The following ADCY2 variants were observed in gnomAD, a reference collection of about 807,000 sequenced individuals.
The protein encoded by ADCY2 is adenylate cyclase 2, also known as adenylate cyclase type 2.
A neutral mutation model predicts 125.2 loss-of-function variants in ADCY2; 31 were observed. The ratio of observed to expected loss-of-function variants is 0.25; its 90% confidence interval spans 0.19 to 0.33. The LOEUF (loss-of-function observed/expected upper bound fraction) is 0.33, where lower values mean the gene tolerates loss of function less well. Among genes scored for constraint, ADCY2 ranks in the 10% least tolerant of loss-of-function variants. The probability of loss-of-function intolerance (pLI) is 1.00; values close to 1 mark genes in which losing one functional copy is unlikely to be tolerated. For synonymous variants in ADCY2, 512 were observed against 548.4 expected, an observed-to-expected ratio of 0.93 and a Z score of 0.93; for missense variants, 904 against 1,418.2, an observed-to-expected ratio of 0.64 and a Z score of 5.82.
chr5:7,419,857 A>C (rs1740124021), intron 2 of ADCY2, among the ~76,000 whole-genome samples: 1 of 152,214 alleles, frequency 6.6e-6, no homozygotes, highest in Admixed American at 6.5e-5. Flanking sequence ...ACCCAGTGCC[A>C]GACCCTGTTC....
At chr5:7,756,203 G>A (rs7703532) in intron 15 of ADCY2, among the ~76,000 whole-genome samples, 70,121 of 152,110 alleles carry the variant, frequency 0.46, 16,418 homozygotes, top group Admixed American at 0.59. Flanking sequence ...CCACAGTTCA[G>A]TGGAACTCTG....
chr5:7,437,525 C>T (rs1740851692), intron 2 of ADCY2, among the ~76,000 whole-genome samples: 1 of 152,226 alleles, frequency 6.6e-6, no homozygotes, highest in African/African-American at 2.4e-5. Context: ...TCAGTTTCCT[C>T]ATCTATAAAA....
intron 22 of ADCY2, among the ~76,000 whole-genome samples, chr5:7,805,357 C>T (rs1274552876): frequency 2.0e-5 from 3 of 152,064 alleles, no homozygotes; most frequent in Non-Finnish European, 4.4e-5. Flanking sequence ...GGTCAAAAAA[C>T]AAGTTGGCCA....
chr5:7,764,068 T>G (rs1432952681), intron 16 of ADCY2, among the ~76,000 whole-genome samples: 1 of 152,216 alleles, frequency 6.6e-6, no homozygotes, highest in Non-Finnish European at 1.5e-5. Context: ...TTAAATCTCA[T>G]TACTCATTGG....
At chr5:7,682,179 G>T (rs1405828877) in intron 4 of ADCY2, among the ~76,000 whole-genome samples, 1 of 152,224 alleles carries the variant, frequency 6.6e-6, no homozygotes, top group South Asian at 2.1e-4. Flanking sequence ...ATGGGAAGTG[G>T]TTGATAAATA....
At chr5:7,715,028 G>C (rs897518799) in intron 11 of ADCY2, among the ~76,000 whole-genome samples, 8 of 152,202 alleles carry the variant, frequency 5.3e-5, no homozygotes. Flanking sequence ...CACCAGGATG[G>C]GAAGATGAGA....
intron 2 of ADCY2, among the ~76,000 whole-genome samples, chr5:7,508,961 T>G (rs1743953270): frequency 6.6e-6 from 1 of 152,218 alleles, no homozygotes; most frequent in Non-Finnish European, 1.5e-5. Context: ...ATGGAGATGA[T>G]AGCCCACATT....
chr5:7,472,104 T>C (rs1308178081), intron 2 of ADCY2, among the ~76,000 whole-genome samples: 7 of 152,196 alleles, frequency 4.6e-5, no homozygotes, highest in Non-Finnish European at 8.8e-5. Flanking sequence ...TCATTATCTG[T>C]AGAAGAATTC....
At position 7,757,467 on chromosome 5, in the gene ADCY2, T is replaced by C. The variant is rs1467023947; in HGVS notation, c.1975T>C (p.Ser659Pro). The change falls in exon 16 of 25, where the codon TCT (serine) becomes CCT (proline). Residue 659 changes from serine to proline, a missense_variant. Ser to Pro is a moderately conservative substitution (Grantham distance 74, BLOSUM62 -1). Coordinates refer to ENST00000338316, the MANE Select transcript of ADCY2 (RefSeq NM_020546.3). The stretch of plus-strand genomic sequence containing the variant: ...CTCCTAGCAATGCAGCAAAAAAGCC[T>C]CTCCCCTGCTCATGTGGCTTTTGAA... ...GQLLQCSKKA[S>P]PLLMWLLKSS... 28 of 1,613,912 alleles carry C rather than the reference T, an allele frequency of 1.7e-5. No homozygotes were observed. The highest frequency in any genetic ancestry group is 2.4e-5 in the Non-Finnish European group (28 of 1,179,934).
chr5:7,757,220 T>C (rs1027275598), intron 15 of ADCY2, among the ~76,000 whole-genome samples: 1 of 152,172 alleles, frequency 6.6e-6, no homozygotes, highest in Non-Finnish European at 1.5e-5. Context: ...TACAAGCACA[T>C]TGTACCTTTG....
At position 7,396,273 on chromosome 5, in the gene ADCY2, G is replaced by A. The variant is rs1270736706; in HGVS notation, c.-24G>A. ...GCGCTGCCCGGGCCGGGCGCGCACG[G>A]CGGGCGCCCTGTGAGCGGCCCCGAT... On this transcript the variant is annotated 5_prime_UTR_variant, in exon 1 of 25. Coordinates refer to ENST00000338316, the MANE Select transcript of ADCY2 (RefSeq NM_020546.3). This position sits in a 1 kb window ranked among gnomAD's most constrained non-coding sequence, Gnocchi z 5.7. 94 of 1,140,958 alleles carry A rather than the reference G, an allele frequency of 8.2e-5. No individual in the cohort carries two copies. Among genetic ancestry groups the A allele is most frequent in the Middle Eastern group, 3.8e-4 (1 of 2,658 alleles). 70.7% of individuals were successfully genotyped at this position (1,140,958 alleles called of 1,614,324 possible). A position where few individuals can be genotyped will look rare whatever the true frequency, so the allele number is the denominator to read the frequency against.
At chr5:7,679,978 G>A (rs925406900) in intron 4 of ADCY2, among the ~76,000 whole-genome samples, 3 of 152,128 alleles carry the variant, frequency 2.0e-5, no homozygotes, top group African/African-American at 7.2e-5. Context: ...GTCCTGGAGA[G>A]GTGCCATTCT....
At chr5:7,735,782 T>C (rs1742230637) in intron 14 of ADCY2, among the ~76,000 whole-genome samples, 1 of 152,056 alleles carries the variant, frequency 6.6e-6, no homozygotes, top group Non-Finnish European at 1.5e-5. Flanking sequence ...TGATTTCTAC[T>C]TTTTTTTGTG....
intron 3 of ADCY2, among the ~76,000 whole-genome samples, chr5:7,577,716 A>T (rs1337634197): frequency 6.6e-6 from 1 of 152,202 alleles, no homozygotes; most frequent in African/African-American, 2.4e-5. Flanking sequence ...TAATAAATCA[A>T]TGACAACAAA....
At chr5:7,475,125 G>T (rs1358473939) in intron 2 of ADCY2, among the ~76,000 whole-genome samples, 1 of 152,236 alleles carries the variant, frequency 6.6e-6, no homozygotes, top group African/African-American at 2.4e-5. Flanking sequence ...GAACCCATTG[G>T]CCAGTTCTGA....
chr5:7,664,649 T>G lies in ADCY2; in HGVS notation c.721-26042T>G, dbSNP rs529106372. Among the ~76,000 whole-genome samples, 25 of 152,328 alleles carry G rather than the reference T, an allele frequency of 1.6e-4. No individual in the cohort carries two copies. In the East Asian group the frequency reaches 4.4e-3, roughly 27 times the overall value. On this transcript the variant is annotated intron_variant, in intron 4 of 24. Coordinates refer to ENST00000338316, the MANE Select transcript of ADCY2 (RefSeq NM_020546.3). Reference sequence around the variant, plus strand: ...CAAAATGTTTTACCCCAAAATATATTTCCTTGCTATACCTTGAAATTGCCC... The same window carrying G: ...CAAAATGTTTTACCCCAAAATATATGTCCTTGCTATACCTTGAAATTGCCC...
At chr5:7,809,878 G>C (rs1219468188) in intron 22 of ADCY2, among the ~76,000 whole-genome samples, 1 of 152,228 alleles carries the variant, frequency 6.6e-6, no homozygotes, top group Non-Finnish European at 1.5e-5. Context: ...ACTGATTGTT[G>C]TTTGTAAAAG....
chr5:7,627,515 T>A (rs1266874302), intron 4 of ADCY2, among the ~76,000 whole-genome samples: 1 of 152,196 alleles, frequency 6.6e-6, no homozygotes, highest in Non-Finnish European at 1.5e-5. Context: ...AAGCTAATAA[T>A]TAGCATGGCT....
At chr5:7,710,014 A>G (rs1741391283) in intron 10 of ADCY2, among the ~76,000 whole-genome samples, 1 of 152,228 alleles carries the variant, frequency 6.6e-6, no homozygotes, top group South Asian at 2.1e-4. Context: ...TTTTAAAACT[A>G]TCTGGGGGTA....
Sources: gnomAD v4.1 joint callset for allele counts (sites outside exome capture counted in the v4.1 genomes callset) on GRCh38, gnomAD v4.1.1 for gene constraint, Gnocchi (gnomAD v3.1) non-coding constraint, MANE v1.5 for transcripts, NCBI Gene and HGNC (gene_info 2026-07-23, HGNC 2026-07-21) for gene names.